The following AFAP1 variants were observed in gnomAD, a reference collection of about 807,000 sequenced individuals.
AFAP1 encodes the protein actin filament associated protein 1.
A neutral mutation model predicts 93.9 loss-of-function variants in AFAP1; 75 were observed. That is an observed-to-expected ratio of 0.80 (90% confidence interval 0.66 to 0.97). The LOEUF (loss-of-function observed/expected upper bound fraction) is 0.97. AFAP1 is among the 50% of genes least tolerant of loss of function. AFAP1 has a pLI of 0.00. For missense variants in AFAP1, 1,201 were observed against 1,050.8 expected, an observed-to-expected ratio of 1.14 and a Z score of -1.98; for synonymous variants, 517 against 430.7, an observed-to-expected ratio of 1.20 and a Z score of -2.48.
intron 17 of AFAP1, among the ~76,000 whole-genome samples, chr4:7,766,270 C>T (rs1031111156): frequency 3.3e-5 from 5 of 152,136 alleles, no homozygotes; most frequent in East Asian, 1.9e-4. Flanking sequence ...CTATGTGGGC[C>T]GTTGTAAGCA....
At chr4:7,874,751 C>G (rs1332481727) in intron 1 of AFAP1, among the ~76,000 whole-genome samples, 1 of 151,698 alleles carries the variant, frequency 6.6e-6, no homozygotes, top group Non-Finnish European at 1.5e-5. Flanking sequence ...ATATGAGAAT[C>G]AGCTATCTTC....
At chr4:7,821,073 G>A (rs1299198297) in intron 6 of AFAP1, among the ~76,000 whole-genome samples, 2 of 152,142 alleles carry the variant, frequency 1.3e-5, no homozygotes, top group Non-Finnish European at 2.9e-5. Flanking sequence ...AGCCGAGATC[G>A]CACCACTGCA....
intron 9 of AFAP1, among the ~76,000 whole-genome samples, chr4:7,801,001 G>C (rs866201682): frequency 5.9e-5 from 9 of 152,186 alleles, no homozygotes; most frequent in African/African-American, 2.2e-4. Flanking sequence ...TGGCCAGGAT[G>C]GGGGCACGAC....
In AFAP1 at chr4:7,763,796, A is replaced by G. The variant is rs562468376; in HGVS notation, c.2419-5T>C. On this transcript the variant is annotated splice_polypyrimidine_tract_variant and splice_region_variant and intron_variant, in intron 17 of 17. Coordinates refer to ENST00000420658, the MANE Select transcript of AFAP1 (RefSeq NM_001134647.2). ...CCCGTTCTTCAATTCCCATTCCTAG[A>G]GGAAAGGAGAGTCTTGTAAGTGGAC... is the stretch of plus-strand genomic sequence containing the variant. 4 of 1,551,522 alleles carry G rather than the reference A, an allele frequency of 2.6e-6. No individual in the cohort carries two copies. The Admixed American group carries it at 7.8e-5, about 30-fold the overall frequency.
chr4:7,896,157 G>T (rs953976807), intron 1 of AFAP1, among the ~76,000 whole-genome samples: 6 of 152,064 alleles, frequency 3.9e-5, no homozygotes, highest in African/African-American at 1.4e-4. Context: ...GGCTCAGAAA[G>T]TATTTTTTAT....
In AFAP1 at chr4:7,762,300, AGGACATTCTGGACAGT is replaced by A. The variant is rs2148930200; in HGVS notation, c.*1449_*1464del. The A allele has an allele frequency of 6.6e-6, 1 of 152,362 alleles. No homozygotes were observed. Among genetic ancestry groups the A allele is most frequent in the Admixed American group, 6.5e-5 (1 of 15,306 alleles). The allele number at this position is 152,362 out of a possible 1,614,324, so 9.4% of individuals were successfully genotyped here. ...CGCCATCTCTTCCTCTGTGTGAAAA[AGGACATTCTGGACAGT>A]GGACAGAAGGAAGGCTTACACCAAG... On this transcript the variant is annotated 3_prime_UTR_variant, in exon 18 of 18. Coordinates refer to ENST00000420658, the MANE Select transcript of AFAP1 (RefSeq NM_001134647.2).
chr4:7,914,218 C>T (rs1452822320), intron 1 of AFAP1, among the ~76,000 whole-genome samples: 1 of 152,104 alleles, frequency 6.6e-6, no homozygotes, highest in Non-Finnish European at 1.5e-5. Context: ...CCACGCCCAG[C>T]TAATTTTTGT....
intron 4 of AFAP1, among the ~76,000 whole-genome samples, chr4:7,847,048 A>T (rs1560196126): frequency 6.6e-6 from 1 of 152,274 alleles, no homozygotes; most frequent in Non-Finnish European, 1.5e-5. Flanking sequence ...CTAAGAGTGT[A>T]GAAATGACAT....
intron 1 of AFAP1, among the ~76,000 whole-genome samples, chr4:7,886,847 T>A (rs771082676): frequency 1.3e-5 from 2 of 152,326 alleles, no homozygotes; most frequent in South Asian, 2.1e-4. Context: ...GCTTTAAATA[T>A]GATATCGAAA....
chr4:7,815,944 C>T lies in AFAP1; in HGVS notation c.904+74G>A, dbSNP rs1374490944. 6.6e-6 allele frequency: 9 copies of T among 1,367,656 alleles called. No individual in the cohort carries two copies. The Admixed American group carries it at 1.2e-4, about 18-fold the overall frequency. The allele number at this position is 1,367,656 out of a possible 1,614,324, so 84.7% of individuals were successfully genotyped here. ...ACATTTTTCGTACAATCAGACTTTACAAACCTGGCTGTAGATTTTTGTTTT... is the reference window on the plus strand; with the variant it reads ...ACATTTTTCGTACAATCAGACTTTATAAACCTGGCTGTAGATTTTTGTTTT... On this transcript the variant is annotated intron_variant, in intron 8 of 17. Transcript: ENST00000420658.
intron 2 of AFAP1, among the ~76,000 whole-genome samples, chr4:7,871,525 T>C (rs1351677493): frequency 6.6e-6 from 1 of 152,180 alleles, no homozygotes; most frequent in African/African-American, 2.4e-5. Context: ...TGTGTGACCC[T>C]CGTGGGAGGG....
At chr4:7,840,377 G>A (rs1400107251) in intron 5 of AFAP1, among the ~76,000 whole-genome samples, 2 of 149,598 alleles carry the variant, frequency 1.3e-5, no homozygotes, top group Non-Finnish European at 3.0e-5. Context: ...TCAGTGGCAC[G>A]ATCTTGGCTC....
chr4:7,796,312 A>C (rs1359002620), intron 10 of AFAP1, among the ~76,000 whole-genome samples: 5 of 152,256 alleles, frequency 3.3e-5, no homozygotes, highest in Non-Finnish European at 7.3e-5. Flanking sequence ...AAAGTGCTCC[A>C]AGCATGATGG....
chr4:7,865,089 T>C (rs1716252309), intron 3 of AFAP1, among the ~76,000 whole-genome samples: 1 of 152,128 alleles, frequency 6.6e-6, no homozygotes, highest in South Asian at 2.1e-4. Flanking sequence ...TAAACTCAGA[T>C]TGTGTTACAA....
intron 1 of AFAP1, among the ~76,000 whole-genome samples, chr4:7,932,326 G>C (rs1025620176): frequency 2.6e-5 from 4 of 152,166 alleles, no homozygotes; most frequent in African/African-American, 9.7e-5. Context: ...TTGACCACAG[G>C]ATGCACCTAA....
At position 7,849,656 on chromosome 4, in the gene AFAP1, G is replaced by C. The variant is rs184870346; in HGVS notation, c.334+5810C>G. ...ATAAGAATGATGATGGTGCTTTGCA[G>C]CTGTGTCTAGCGTTTTCAGACTCAC... On this transcript the variant is annotated intron_variant, in intron 4 of 17. Transcript: ENST00000420658. Among the ~76,000 whole-genome samples, 338 of 152,310 alleles carry C rather than the reference G, an allele frequency of 2.2e-3. 3 individuals carry two copies. Among genetic ancestry groups the C allele is most frequent in the Non-Finnish European group, 3.7e-3 (255 of 68,036 alleles).
At position 7,763,003 on chromosome 4, in the gene AFAP1, C is replaced by T. The variant is rs2148932221; in HGVS notation, c.*762G>A. On this transcript the variant is annotated 3_prime_UTR_variant, in exon 18 of 18. Coordinates refer to ENST00000420658, the MANE Select transcript of AFAP1 (RefSeq NM_001134647.2). ...GTGAAGTATTAAAACCCTCTGCTAC[C>T]TGTCAAAAGCAGCACAAATAATTAA... The T allele has an allele frequency of 6.6e-6, 1 of 152,264 alleles. No homozygotes were observed. The highest frequency in any genetic ancestry group is 1.9e-4 in the East Asian group (1 of 5,186). 9.4% of individuals were successfully genotyped at this position (152,264 alleles called of 1,614,324 possible).
At chr4:7,873,726 C>T (rs568120180) in intron 1 of AFAP1, among the ~76,000 whole-genome samples, 74 of 152,218 alleles carry the variant, frequency 4.9e-4, no homozygotes, top group African/African-American at 1.6e-3. Context: ...ATACCACAGT[C>T]GTCTAGAGAA....
intron 6 of AFAP1, among the ~76,000 whole-genome samples, chr4:7,836,747 C>T (rs1044976223): frequency 4.0e-5 from 6 of 151,892 alleles, no homozygotes; most frequent in African/African-American, 1.5e-4. Context: ...TGCGCCCAGC[C>T]AGTACAGTGT....
Sources: gnomAD v4.1 joint callset for allele counts (sites outside exome capture counted in the v4.1 genomes callset) on GRCh38, gnomAD v4.1.1 for gene constraint, MANE v1.5 for transcripts, NCBI Gene and HGNC (gene_info 2026-07-23, HGNC 2026-07-21) for gene names.